The following TNRC6A variants were observed in gnomAD, a reference collection of about 807,000 sequenced individuals.
TNRC6A encodes the protein trinucleotide repeat containing adaptor 6A, also known as trinucleotide repeat-containing gene 6A protein.
A neutral mutation model predicts 221.2 loss-of-function variants in TNRC6A; 44 were observed. That is an observed-to-expected ratio of 0.20 (90% CI 0.16 to 0.26). The LOEUF (loss-of-function observed/expected upper bound fraction) is 0.26, where lower values mean the gene tolerates loss of function less well. Ranked by LOEUF, TNRC6A falls within the 10% of genes least tolerant of loss-of-function variation. The probability of loss-of-function intolerance (pLI) is 1.00; values close to 1 mark genes in which losing one functional copy is unlikely to be tolerated. For synonymous variants in TNRC6A, 847 were observed against 838.5 expected, an observed-to-expected ratio of 1.01 and a Z score of -0.18; for missense variants, 2,199 against 2,404.4, an observed-to-expected ratio of 0.91 and a Z score of 1.79.
chr16:24,691,629 G>A (rs1394623905), intron 2 of TNRC6A, among the ~76,000 whole-genome samples: 2 of 152,044 alleles, frequency 1.3e-5, no homozygotes, highest in East Asian at 1.9e-4. Flanking sequence ...TCAGCCAGGC[G>A]TGGTGGTGCA....
At position 24,729,685 on chromosome 16, in the gene TNRC6A, C is replaced by CGGTGTT; in HGVS notation, c.-155_-154insTGTTGG. ...CTGGGGCCTGCGGCGGCGGCGGTGT[C>CGGTGTT]GGCGGCGGCGGCGGCGGCGGCGGCG... On this transcript the variant is annotated 5_prime_UTR_variant, in exon 1 of 25. Coordinates refer to ENST00000395799, the MANE Select transcript of TNRC6A (RefSeq NM_014494.4). 4.8e-6 allele frequency: 1 copy of CGGTGTT among 210,102 alleles called. No individual in the cohort carries two copies. The highest frequency in any genetic ancestry group is 1.5e-4 in the South Asian group (1 of 6,878). The allele number at this position is 210,102 out of a possible 1,614,324, so 13.0% of individuals were successfully genotyped here.
chr16:24,728,319 T>C (rs1234133434), upstream of TNRC6A, among the ~76,000 whole-genome samples: 2 of 152,068 alleles, frequency 1.3e-5, no homozygotes, highest in Non-Finnish European at 2.9e-5. Flanking sequence ...CAGTGGTGCG[T>C]GTCTGTAATC....
At chr16:24,668,562 C>T (rs913899566) in intron 2 of TNRC6A, among the ~76,000 whole-genome samples, 1 of 152,124 alleles carries the variant, frequency 6.6e-6, no homozygotes, top group Non-Finnish European at 1.5e-5. Context: ...TCACGCTTGC[C>T]TCCATTTTTA....
intron 3 of TNRC6A, among the ~76,000 whole-genome samples, chr16:24,754,812 C>T (rs994701440): frequency 2.0e-5 from 3 of 152,176 alleles, no homozygotes; most frequent in Non-Finnish European, 4.4e-5. Flanking sequence ...AAGTTGGGAT[C>T]TCTTGGTGTT....
At position 24,766,159 on chromosome 16, in the gene TNRC6A, T is replaced by C. The variant is rs988316479; in HGVS notation, c.163+7799T>C. On this transcript the variant is annotated intron_variant, in intron 4 of 24. Transcript: ENST00000395799. ...GCCCTTATAATTAAGATGAAAATAA[T>C]GTATACTAGAAGGAACACTTGTTTG... is the stretch of plus-strand genomic sequence containing the variant. Among the ~76,000 whole-genome samples, 3 of 152,200 alleles carry C rather than the reference T, an allele frequency of 2.0e-5. No individual in the cohort carries two copies. In the East Asian group the frequency reaches 5.8e-4, roughly 29 times the overall value.
At chr16:24,758,534 G>A (rs1331831847) in intron 4 of TNRC6A, among the ~76,000 whole-genome samples, 174 bp downstream of exon 4, 2 of 152,104 alleles carry the variant, frequency 1.3e-5, no homozygotes, top group African/African-American at 4.8e-5. Context: ...GGTTATTGTG[G>A]TGTATGTGAC....
At chr16:24,680,053 A>G (rs1404350129) in intron 2 of TNRC6A, among the ~76,000 whole-genome samples, 1 of 152,224 alleles carries the variant, frequency 6.6e-6, no homozygotes, top group East Asian at 1.9e-4. Context: ...GGAGGTAAAC[A>G]TATCACCTGA....
At chr16:24,611,108 C>T (rs1017700409) in intron 1 of TNRC6A, among the ~76,000 whole-genome samples, 1 of 152,204 alleles carries the variant, frequency 6.6e-6, no homozygotes, top group African/African-American at 2.4e-5. Flanking sequence ...CCCCTGAGTC[C>T]AGCTGGATTT....
At chr16:24,742,374 T>C (rs2056910135) in intron 2 of TNRC6A, among the ~76,000 whole-genome samples, 1 of 152,230 alleles carries the variant, frequency 6.6e-6, no homozygotes, top group African/African-American at 2.4e-5. Flanking sequence ...CTATGCTGCC[T>C]AGGAAATGCT....
chr16:24,750,630 C>A, intron 2 of TNRC6A, 96 bp from the exon 3 acceptor site: 1 of 1,340,326 alleles, frequency 7.5e-7, no homozygotes, highest in Admixed American at 2.8e-5. Context: ...GCCATGTCTT[C>A]TAATAAGAGT....
upstream of TNRC6A, among the ~76,000 whole-genome samples, chr16:24,728,989 G>A (rs1319983654): frequency 6.6e-6 from 1 of 151,864 alleles, no homozygotes; most frequent in Non-Finnish European, 1.5e-5. Context: ...GGACATTTTG[G>A]CTGTTTGCAA....
chr16:24,754,467 CTT>C (rs1260540272), intron 3 of TNRC6A, among the ~76,000 whole-genome samples: 1 of 152,018 alleles, frequency 6.6e-6, no homozygotes, highest in East Asian at 1.9e-4. Flanking sequence ...GTATAACACT[CTT>C]TTCTGTTTCA....
chr16:24,734,212 G>A (rs2056710916), intron 2 of TNRC6A, among the ~76,000 whole-genome samples: 2 of 152,084 alleles, frequency 1.3e-5, no homozygotes, highest in African/African-American at 4.8e-5. Flanking sequence ...AAAGATGAGT[G>A]TATAAGATAC....
chr16:24,676,425 T>C (rs889695948), intron 2 of TNRC6A, among the ~76,000 whole-genome samples: 2 of 152,140 alleles, frequency 1.3e-5, no homozygotes, highest in Non-Finnish European at 2.9e-5. Context: ...GCCTCTCAAG[T>C]AGCTGGGATT....
chr16:24,634,422 C>T, intron 1 of TNRC6A, among the ~76,000 whole-genome samples: 1 of 151,808 alleles, frequency 6.6e-6, no homozygotes, highest in Admixed American at 6.6e-5. Flanking sequence ...AGAGAGAGAC[C>T]CTGTCTCAGA....
intron 20 of TNRC6A, 66 bp downstream of exon 20, chr16:24,817,022 T>G: frequency 6.7e-7 from 1 of 1,500,856 alleles, no homozygotes; most frequent in Non-Finnish European, 8.9e-7. Flanking sequence ...GCTCATGTAG[T>G]ACCCAGCTAC....
intron 1 of TNRC6A, among the ~76,000 whole-genome samples, chr16:24,640,332 C>T (rs558412970): frequency 4.2e-4 from 62 of 147,818 alleles, no homozygotes; most frequent in African/African-American, 1.6e-3. Context: ...CCTGGGAGGC[C>T]AAGGCTGCAG....
intron 3 of TNRC6A, among the ~76,000 whole-genome samples, chr16:24,755,692 G>A (rs2057236144): frequency 6.6e-6 from 1 of 152,238 alleles, no homozygotes; most frequent in African/African-American, 2.4e-5. Flanking sequence ...AAGCAGTGCA[G>A]AGCCTGACAG....
chr16:24,675,773 C>CTAAATGGGG (rs983018849), intron 2 of TNRC6A, among the ~76,000 whole-genome samples: 1 of 133,256 alleles, frequency 7.5e-6, no homozygotes, highest in African/African-American at 2.8e-5. Context: ...TATTCAGTAT[C>CTAAATGGGG]TAAATGGGGA....
Sources: allele counts gnomAD v4.1 joint callset (sites outside exome capture counted in the v4.1 genomes callset), GRCh38; gene constraint gnomAD v4.1.1; transcripts MANE v1.5; gene names NCBI Gene and HGNC (gene_info 2026-07-23, HGNC 2026-07-21).